The following MAP3K14 variants were observed in gnomAD, a reference collection of about 807,000 sequenced individuals.
MAP3K14 encodes the protein NF-kappa-beta-inducing kinase.
MAP3K14 carries 16 observed loss-of-function variants against 99.2 expected under a neutral mutation model. The observed-to-expected ratio is 0.16, with a 90% confidence interval of 0.11 to 0.24. MAP3K14 has a LOEUF of 0.24. Among genes scored for constraint, MAP3K14 ranks in the 10% least tolerant of loss-of-function variants. MAP3K14 has a pLI of 1.00. For missense variants in MAP3K14, 784 were observed against 1,208.7 expected (o/e 0.65, Z 5.21); for synonymous variants, 462 against 492.4 (o/e 0.94, Z 0.82).
rs564305148 is a variant in MAP3K14, at chr17:45,270,074, T to C, written c.1972+339A>G. On this transcript the variant is annotated intron_variant, in intron 11 of 15. Transcript: ENST00000344686. ...ACTGAATTAGAGGACACCAAGCTAG[T>C]GTCTGCTGCAGAACTGATTGCTGGC... Among the ~76,000 whole-genome samples the C allele has an allele frequency of 7.9e-5, 12 of 152,270 alleles. No homozygotes were observed. In the South Asian group the frequency reaches 2.3e-3, roughly 29 times the overall value.
intron 1 of MAP3K14, among the ~76,000 whole-genome samples, chr17:45,305,851 C>T (rs181400317): frequency 6.5e-4 from 99 of 152,278 alleles, no homozygotes; most frequent in Non-Finnish European, 1.1e-3. Flanking sequence ...ACAGAGTGGT[C>T]GGCAAGAACC....
chr17:45,305,994 T>C (rs1182784888), intron 1 of MAP3K14, among the ~76,000 whole-genome samples: 1 of 152,246 alleles, frequency 6.6e-6, no homozygotes, highest in East Asian at 1.9e-4. Flanking sequence ...AGTTGTCCTG[T>C]GGTCATCTTT....
chr17:45,264,365 T>C lies in MAP3K14; in HGVS notation c.*271A>G, dbSNP rs1598235454. On this transcript the variant is annotated 3_prime_UTR_variant, in exon 16 of 16. Coordinates refer to ENST00000344686, the MANE Select transcript of MAP3K14 (RefSeq NM_003954.5). ...CTCGACTGGAGCAGGGCAGAGAAGATCCTGTTTGTTTCCCGAGGTAACTCC... is the reference window on the plus strand; with the variant it reads ...CTCGACTGGAGCAGGGCAGAGAAGACCCTGTTTGTTTCCCGAGGTAACTCC... 1 of 438,552 alleles carries C rather than the reference T, an allele frequency of 2.3e-6. No homozygotes were observed. The highest frequency in any genetic ancestry group is 3.0e-5 in the South Asian group (1 of 33,122). 27.2% of individuals were successfully genotyped at this position (438,552 alleles called of 1,614,324 possible). A position where few individuals can be genotyped will look rare whatever the true frequency, so the allele number is the denominator to read the frequency against.
chr17:45,315,092 T>C (rs2044519343), intron 1 of MAP3K14, among the ~76,000 whole-genome samples: 1 of 150,986 alleles, frequency 6.6e-6, no homozygotes, highest in Non-Finnish European at 1.5e-5. Flanking sequence ...CAGCAGTAAA[T>C]GATATACACA....
In MAP3K14 at chr17:45,286,338, T is replaced by C. The variant is rs2044263844; in HGVS notation, c.1152+93A>G. 1 of 1,404,712 alleles carries C rather than the reference T, an allele frequency of 7.1e-7. No individual in the cohort carries two copies. The highest frequency in any genetic ancestry group is 9.5e-7 in the Non-Finnish European group (1 of 1,054,878). 87.0% of individuals were successfully genotyped at this position (1,404,712 alleles called of 1,614,324 possible). A position where few individuals can be genotyped will look rare whatever the true frequency, so the allele number is the denominator to read the frequency against. ...GAGCACTGTCCTACTGTTTGATTTGTCACCACAGGCAAGAGTGACTCTGAT... is the reference window on the plus strand; with the variant it reads ...GAGCACTGTCCTACTGTTTGATTTGCCACCACAGGCAAGAGTGACTCTGAT... On this transcript the variant is annotated intron_variant, in intron 5 of 15. Transcript: ENST00000344686. The surrounding 1 kb of genome is among the most constrained non-coding windows in gnomAD (Gnocchi z 4.1).
chr17:45,312,996 C>T (rs1329549773), intron 1 of MAP3K14, among the ~76,000 whole-genome samples: 1 of 152,132 alleles, frequency 6.6e-6, no homozygotes, highest in African/African-American at 2.4e-5. Context: ...ACAGGAAGCC[C>T]CTAGACAGGC....
intron 11 of MAP3K14, among the ~76,000 whole-genome samples, chr17:45,269,371 C>G (rs1404049803): frequency 6.6e-6 from 1 of 152,074 alleles, no homozygotes; most frequent in Non-Finnish European, 1.5e-5. Context: ...TACATCATAA[C>G]CCTTATGATA....
chr17:45,274,411 G>C lies in MAP3K14; in HGVS notation c.1420+53C>G, dbSNP rs538451306. 17 of 1,607,086 alleles carry C rather than the reference G, an allele frequency of 1.1e-5. No individual in the cohort carries two copies. The African/African-American group carries it at 1.5e-4, about 14-fold the overall frequency. On this transcript the variant is annotated intron_variant, in intron 7 of 15. Transcript: ENST00000344686. Reference sequence around the variant, plus strand: ...CCAAGGCCAACTTGGGCAAGACTCAGGGGGGAACTCTTGGCCCTGAATTTG... The same window carrying C: ...CCAAGGCCAACTTGGGCAAGACTCACGGGGGAACTCTTGGCCCTGAATTTG...
chr17:45,312,804 C>T (rs1448660558), intron 1 of MAP3K14, among the ~76,000 whole-genome samples: 12 of 152,126 alleles, frequency 7.9e-5, no homozygotes, highest in South Asian at 2.1e-4. Flanking sequence ...GACATCTTTA[C>T]GAGGGGGAAA....
chr17:45,289,137 G>A, intron 3 of MAP3K14, 99 bp downstream of exon 3: 1 of 1,004,486 alleles, frequency 1.0e-6, no homozygotes, highest in East Asian at 2.6e-5. Flanking sequence ...GCTGAGGGAG[G>A]GAGCCCGGGG....
chr17:45,282,729 G>C (rs535963801), intron 6 of MAP3K14, among the ~76,000 whole-genome samples: 2 of 151,702 alleles, frequency 1.3e-5, no homozygotes, highest in African/African-American at 2.4e-5. Flanking sequence ...AGGAGCATCA[G>C]GGGGGCACAG....
In MAP3K14 at chr17:45,274,451, C is replaced by G; in HGVS notation, c.1420+13G>C. 1 of 1,613,202 alleles carries G rather than the reference C, an allele frequency of 6.2e-7. No homozygotes were observed. Among genetic ancestry groups the G allele is most frequent in the Non-Finnish European group, 8.5e-7 (1 of 1,179,554 alleles). Reference sequence around the variant, plus strand: ...CCCTGAATTTGGAGAAAGAGTGGGACCTGGCTCCTTACCTTCCAGCAGCTC... The same window carrying G: ...CCCTGAATTTGGAGAAAGAGTGGGAGCTGGCTCCTTACCTTCCAGCAGCTC... On this transcript the variant is annotated intron_variant, in intron 7 of 15. Coordinates refer to ENST00000344686, the MANE Select transcript of MAP3K14 (RefSeq NM_003954.5).
chr17:45,280,194 T>A (rs1848241400), intron 6 of MAP3K14, among the ~76,000 whole-genome samples: 2 of 152,040 alleles, frequency 1.3e-5, no homozygotes, highest in South Asian at 4.1e-4. Flanking sequence ...CTAAAAGGAG[T>A]GATTCTTAAC....
intron 1 of MAP3K14, among the ~76,000 whole-genome samples, chr17:45,304,010 CTTTTTTT>C (rs1026894731): frequency 7.8e-6 from 1 of 127,738 alleles, no homozygotes; most frequent in African/African-American, 2.8e-5. Context: ...CTTTTCTTTT[CTTTTTTT>C]TTTTTTTTTT....
intron 13 of MAP3K14, 111 bp from the exon 14 acceptor site, chr17:45,266,792 G>GGGTAA (rs1165354871): frequency 2.4e-6 from 3 of 1,255,312 alleles, no homozygotes; most frequent in Non-Finnish European, 3.3e-6. Context: ...AGCTGGAGGA[G>GGGTAA]GGTAAGGGTT....
Position 45,307,073 on chromosome 17 carries a change from C to T in MAP3K14, c.-21+9887G>A, listed in dbSNP as rs554997822. On this transcript the variant is annotated intron_variant, in intron 1 of 15. Coordinates refer to ENST00000344686, the MANE Select transcript of MAP3K14 (RefSeq NM_003954.5). ...GTGAGATCGAGACCAGCCTGGCCAA[C>T]ATGGCAAAACGCTGCCTCCACTAGA... 1.2e-3 allele frequency among the ~76,000 whole-genome samples: 186 copies of T among 152,268 alleles called. 1 individual carries two copies. The highest frequency in any genetic ancestry group is 4.3e-3 in the African/African-American group (177 of 41,552).
At chr17:45,305,948 G>C (rs956564076) in intron 1 of MAP3K14, among the ~76,000 whole-genome samples, 4 of 152,210 alleles carry the variant, frequency 2.6e-5, no homozygotes, top group Non-Finnish European at 4.4e-5. Context: ...GTGATGAACT[G>C]GGACCCACAA....
At chr17:45,315,398 C>T (rs2044522317) in intron 1 of MAP3K14, among the ~76,000 whole-genome samples, 1 of 152,094 alleles carries the variant, frequency 6.6e-6, no homozygotes, top group African/African-American at 2.4e-5. Flanking sequence ...TACCTGGGTA[C>T]TTATCTCTAA....
intron 6 of MAP3K14, among the ~76,000 whole-genome samples, chr17:45,278,993 A>G (rs1424360196): frequency 6.6e-6 from 1 of 152,120 alleles, no homozygotes; most frequent in Non-Finnish European, 1.5e-5. Flanking sequence ...TACACTTAGG[A>G]CTGAGCATCC....
Sources: gnomAD v4.1 joint callset for allele counts (sites outside exome capture counted in the v4.1 genomes callset) on GRCh38, gnomAD v4.1.1 for gene constraint, Gnocchi (gnomAD v3.1) non-coding constraint, MANE v1.5 for transcripts, NCBI Gene and HGNC (gene_info 2026-07-23, HGNC 2026-07-21) for gene names.